Variants in ESRRG observed in about 807,000 individuals in gnomAD.
ESRRG encodes estrogen related receptor gamma, also known as estrogen-related receptor gamma.
A neutral mutation model predicts 44.0 loss-of-function variants in ESRRG; 13 were observed. The ratio of observed to expected loss-of-function variants is 0.30; its 90% CI spans 0.19 to 0.47. The LOEUF is 0.47. ESRRG is among the 20% of genes least tolerant of loss of function. ESRRG has a pLI of 1.00. For synonymous variants in ESRRG, 215 were observed against 214.6 expected (o/e 1.00, Z -0.02); for missense variants, 395 against 580.6 (o/e 0.68, Z 3.29).
intron 5 of ESRRG, among the ~76,000 whole-genome samples, chr1:216,543,644 C>T (rs186172127): frequency 7.6e-4 from 116 of 152,048 alleles, no homozygotes; most frequent in Non-Finnish European, 1.1e-3. Context: ...TGCTTCACTA[C>T]GAAAGCTATG....
In ESRRG at chr1:216,994,540, T is replaced by G. The variant is rs950475007; in HGVS notation, c.-105-54867A>C. Among the ~76,000 whole-genome samples, 130 of 152,288 alleles carry G rather than the reference T, an allele frequency of 8.5e-4. 1 individual carries two copies. The highest frequency in any genetic ancestry group is 3.1e-3 in the African/African-American group (129 of 41,562). ...TAAGAGACGGTAAAAAAGTATATAT[T>G]GGCCTTGTATTTGACAACACTCAAT... On this transcript the variant is annotated intron_variant, in intron 1 of 7. Transcript: ENST00000359162.
intron 1 of ESRRG, among the ~76,000 whole-genome samples, chr1:216,704,071 A>G (rs1372163405): frequency 6.6e-6 from 1 of 152,166 alleles, no homozygotes; most frequent in East Asian, 1.9e-4. Context: ...TAGCAATGTG[A>G]TTCATTTTCA....
At chr1:216,583,306 A>T (rs1000956852) in intron 3 of ESRRG, among the ~76,000 whole-genome samples, 1 of 152,234 alleles carries the variant, frequency 6.6e-6, no homozygotes, top group Non-Finnish European at 1.5e-5. Context: ...ATATGTGTAC[A>T]CCTACTGAAG....
intron 2 of ESRRG, among the ~76,000 whole-genome samples, chr1:216,831,737 A>G (rs1030104517): frequency 6.6e-6 from 1 of 152,144 alleles, no homozygotes; most frequent in Non-Finnish European, 1.5e-5. Context: ...TTTCCAGGCA[A>G]TGAAGTGAGA....
chr1:216,712,043 C>T (rs2083717723), intron 1 of ESRRG, among the ~76,000 whole-genome samples: 1 of 152,094 alleles, frequency 6.6e-6, no homozygotes, highest in Non-Finnish European at 1.5e-5. Context: ...TCAAATTTGA[C>T]CTTCCTATTC....
intron 1 of ESRRG, among the ~76,000 whole-genome samples, chr1:216,954,865 T>C (rs2067656405): frequency 6.6e-6 from 1 of 152,144 alleles, no homozygotes; most frequent in South Asian, 2.1e-4. Flanking sequence ...TTGGTACTAT[T>C]TGCATTGGCA....
intron 3 of ESRRG, among the ~76,000 whole-genome samples, chr1:216,608,222 G>T (rs1353518755): frequency 1.3e-5 from 2 of 152,092 alleles, no homozygotes; most frequent in Non-Finnish European, 2.9e-5. Flanking sequence ...AGCCATGTTT[G>T]CATCTTTTAT....
At chr1:217,019,428 C>T (rs1304723043) in intron 1 of ESRRG, among the ~76,000 whole-genome samples, 2 of 152,118 alleles carry the variant, frequency 1.3e-5, no homozygotes, top group Non-Finnish European at 2.9e-5. Flanking sequence ...GCTCTACATG[C>T]CAATGTCTGA....
At chr1:216,670,546 G>A (rs964862694) in intron 2 of ESRRG, among the ~76,000 whole-genome samples, 4 of 152,150 alleles carry the variant, frequency 2.6e-5, no homozygotes, top group African/African-American at 7.2e-5. Flanking sequence ...AGCTGGAGCC[G>A]TCCCCTGCGT....
chr1:216,781,436 C>A (rs1026013976), intron 2 of ESRRG, among the ~76,000 whole-genome samples: 1 of 152,012 alleles, frequency 6.6e-6, no homozygotes, highest in Admixed American at 6.6e-5. Flanking sequence ...CCTTCAAATT[C>A]TTCCCATTTC....
intron 5 of ESRRG, among the ~76,000 whole-genome samples, chr1:216,549,648 C>T (rs1476978000): frequency 2.6e-5 from 4 of 152,046 alleles, no homozygotes; most frequent in Non-Finnish European, 5.9e-5. Flanking sequence ...TCTTTCTTGG[C>T]CATACTGGGG....
chr1:216,886,097 A>G (rs978474061), intron 2 of ESRRG, among the ~76,000 whole-genome samples: 3 of 152,164 alleles, frequency 2.0e-5, no homozygotes, highest in Admixed American at 6.5e-5. Context: ...GAGTAAGCCT[A>G]GTATGAATAA....
intron 1 of ESRRG, among the ~76,000 whole-genome samples, chr1:217,022,223 C>A (rs1001979227): frequency 9.2e-5 from 14 of 152,140 alleles, no homozygotes; most frequent in African/African-American, 3.1e-4. Context: ...AACTGTGGAG[C>A]CAAAAGTCTT....
chr1:216,655,027 T>G (rs950744674), intron 2 of ESRRG, among the ~76,000 whole-genome samples: 1 of 152,170 alleles, frequency 6.6e-6, no homozygotes, highest in African/African-American at 2.4e-5. Context: ...CAGAAGGGAA[T>G]CTGTCAAATA....
chr1:216,923,102 G>C (rs183883178), intron 2 of ESRRG, among the ~76,000 whole-genome samples: 1 of 152,278 alleles, frequency 6.6e-6, no homozygotes, highest in African/African-American at 2.4e-5. Flanking sequence ...CCAAAAAGCA[G>C]ATTATATTTA....
intron 1 of ESRRG, among the ~76,000 whole-genome samples, chr1:217,067,486 G>A (rs751606328): frequency 1.3e-5 from 2 of 152,078 alleles, no homozygotes; most frequent in Non-Finnish European, 2.9e-5. Flanking sequence ...GTTGCTGCCA[G>A]TTAATGATGG....
chr1:216,969,543 T>C (rs1225156178), intron 1 of ESRRG, among the ~76,000 whole-genome samples: 5 of 152,174 alleles, frequency 3.3e-5, no homozygotes, highest in Non-Finnish European at 7.3e-5. Context: ...GACTGACTGA[T>C]GTTTTAGGAA....
chr1:216,764,573 G>T (rs1048958009), intron 2 of ESRRG, among the ~76,000 whole-genome samples: 1 of 151,906 alleles, frequency 6.6e-6, no homozygotes, highest in Non-Finnish European at 1.5e-5. Context: ...CCGGCCCAGG[G>T]GGGGACTCTT....
intron 5 of ESRRG, among the ~76,000 whole-genome samples, chr1:216,559,884 G>C (rs935231183): frequency 1.3e-5 from 2 of 152,010 alleles, no homozygotes. Context: ...CACATGCTTG[G>C]CTATTCTTTT....
Sources: gnomAD v4.1 joint callset for allele counts (sites outside exome capture counted in the v4.1 genomes callset) on GRCh38, gnomAD v4.1.1 for gene constraint, MANE v1.5 for transcripts, NCBI Gene and HGNC (gene_info 2026-07-23, HGNC 2026-07-21) for gene names.